Variants in BEND6 observed in about 807,000 individuals in gnomAD.
The protein encoded by BEND6 is BEN domain-containing protein 6.
In BEND6, 24 loss-of-function variants were observed where a neutral mutation model predicts 31.8. That is an observed-to-expected ratio of 0.75 (90% CI 0.55 to 1.06). The LOEUF (loss-of-function observed/expected upper bound fraction) is 1.06, where lower values mean the gene tolerates loss of function less well. BEND6 is among the 50% of genes least tolerant of loss of function. BEND6 has a pLI of 0.00. For synonymous variants in BEND6, 109 were observed against 114.6 expected, an observed-to-expected ratio of 0.95 and a Z score of 0.31; for missense variants, 294 against 327.4, an observed-to-expected ratio of 0.90 and a Z score of 0.79.
intron 6 of BEND6, among the ~76,000 whole-genome samples, chr6:57,025,523 C>T (rs1489822332): frequency 1.3e-5 from 2 of 152,166 alleles, no homozygotes; most frequent in East Asian, 3.8e-4. Flanking sequence ...AAGAGGATAT[C>T]CTGGTTATGT....
rs764221409 is a variant in BEND6 at position 56,981,854 on chromosome 6, C to A, written c.44C>A (p.Ala15Asp). The part of the protein sequence containing the change: ...VQTDEITNTQ[A>D]FRKGKRKRTE... ...ACAGATGAAATTACCAATACACAAG[C>A]TTTTAGAAAAGGAAAGAGGAAAAGA... Residue 15 changes from alanine to aspartate, a missense_variant, in exon 2 of 7, where the codon GCT becomes GAT. Ala to Asp is a moderately radical substitution (Grantham distance 126). Transcript: ENST00000370746. 6.2e-7 allele frequency: 1 copy of A among 1,612,552 alleles called. No homozygotes were observed. The highest frequency in any genetic ancestry group is 1.1e-5 in the South Asian group (1 of 90,976).
chr6:57,018,724 T>G (rs970337416), intron 6 of BEND6, among the ~76,000 whole-genome samples, 167 bp downstream of exon 6: 1 of 152,188 alleles, frequency 6.6e-6, no homozygotes, highest in Non-Finnish European at 1.5e-5. Context: ...GAGTGGGGTT[T>G]GAATTGGAAA....
At chr6:56,996,428 C>T (rs1826713337) in intron 3 of BEND6, among the ~76,000 whole-genome samples, 1 of 151,990 alleles carries the variant, frequency 6.6e-6, no homozygotes, top group South Asian at 2.1e-4. Flanking sequence ...GCCTGAGTGA[C>T]ATAGCGAGAC....
intron 1 of BEND6, among the ~76,000 whole-genome samples, chr6:56,969,885 C>T (rs1035119183): frequency 1.3e-5 from 2 of 151,772 alleles, no homozygotes; most frequent in Non-Finnish European, 2.9e-5. Flanking sequence ...GTCTTAATTC[C>T]GAGACACTGT....
At chr6:56,976,175 GAAGAT>G (rs1825866568) in intron 1 of BEND6, 1 of 178,730 alleles carries the variant, frequency 5.6e-6, no homozygotes, top group Non-Finnish European at 1.2e-5. Context: ...AACAAGAAAA[GAAGAT>G]AAAATTAGTG....
At chr6:56,956,398 A>G (rs1035565060) in intron 1 of BEND6, among the ~76,000 whole-genome samples, 4 of 152,370 alleles carry the variant, frequency 2.6e-5, no homozygotes, top group Middle Eastern at 3.4e-3. Context: ...GCTCTGCATG[A>G]AAGCTTAATC....
intron 1 of BEND6, among the ~76,000 whole-genome samples, chr6:56,973,849 G>C (rs1225263742): frequency 6.6e-6 from 1 of 152,160 alleles, no homozygotes; most frequent in African/African-American, 2.4e-5. Flanking sequence ...CAGCTTCCCA[G>C]CTCAGGTGAT....
At chr6:56,975,507 T>C (rs1825841545) in intron 1 of BEND6, 1 of 192,974 alleles carries the variant, frequency 5.2e-6, no homozygotes, top group African/African-American at 2.4e-5. Flanking sequence ...CTGCTCTTCA[T>C]TCTTTTCCAC....
chr6:56,983,084 T>G (rs1826127634), intron 2 of BEND6, among the ~76,000 whole-genome samples: 1 of 152,222 alleles, frequency 6.6e-6, no homozygotes. Flanking sequence ...CTGTACCACC[T>G]TATGTGTACA....
At chr6:57,015,711 A>C (rs919253008) in intron 4 of BEND6, among the ~76,000 whole-genome samples, 2 of 151,366 alleles carry the variant, frequency 1.3e-5, no homozygotes, top group Non-Finnish European at 2.9e-5. Flanking sequence ...AGGCTGAGGC[A>C]GGAGAATGGC....
At chr6:57,007,442 A>C (rs1178916440) in intron 3 of BEND6, among the ~76,000 whole-genome samples, 1 of 152,140 alleles carries the variant, frequency 6.6e-6, no homozygotes, top group Non-Finnish European at 1.5e-5. Context: ...AGAAGAAAAC[A>C]TAGGGGAAAC....
At chr6:56,968,970 G>T (rs183664531) in intron 1 of BEND6, among the ~76,000 whole-genome samples, 1 of 151,942 alleles carries the variant, frequency 6.6e-6, no homozygotes, top group Non-Finnish European at 1.5e-5. Flanking sequence ...AGCTACTCGG[G>T]AGGCTGAGGC....
intron 3 of BEND6, among the ~76,000 whole-genome samples, chr6:57,005,568 T>C (rs1452984432): frequency 6.6e-6 from 1 of 151,658 alleles, no homozygotes; most frequent in Non-Finnish European, 1.5e-5. Flanking sequence ...TAATCCCAGC[T>C]GCTTGGGAGG....
chr6:56,978,180 G>A (rs1825956018), intron 1 of BEND6, among the ~76,000 whole-genome samples: 1 of 151,764 alleles, frequency 6.6e-6, no homozygotes, highest in African/African-American at 2.4e-5. Flanking sequence ...CTACTCTGGA[G>A]ACTGAGGCAA....
intron 3 of BEND6, among the ~76,000 whole-genome samples, chr6:57,000,062 G>A (rs148096049): frequency 0.015 from 2,270 of 152,140 alleles, 57 homozygotes; most frequent in African/African-American, 0.051. Flanking sequence ...CGGCCGCCCC[G>A]TCTGGGAGGT....
At position 57,010,901 on chromosome 6, in the gene BEND6, G is replaced by A. The variant is rs532995163; in HGVS notation, c.299-4232G>A. On this transcript the variant is annotated intron_variant, in intron 3 of 6. Transcript: ENST00000370746. ...TAAAATTAAAAGATAAACACTTTGA[G>A]AAAAATATTTGCAACTCAAGAAAAA... The A allele has an allele frequency of 1.1e-3, 629 of 583,996 alleles. 1 individual carries two copies. The highest frequency in any genetic ancestry group is 2.6e-3 in the South Asian group (34 of 13,060). The allele number at this position is 583,996 out of a possible 1,614,324, so 36.2% of individuals were successfully genotyped here.
chr6:56,970,595 C>A (rs1191198183), intron 1 of BEND6, among the ~76,000 whole-genome samples: 1 of 152,086 alleles, frequency 6.6e-6, no homozygotes, highest in African/African-American at 2.4e-5. Flanking sequence ...AAATTGGGGG[C>A]AGATAGCCAC....
At chr6:57,000,602 T>A in intron 3 of BEND6, among the ~76,000 whole-genome samples, 5 of 121,310 alleles carry the variant, frequency 4.1e-5, no homozygotes, top group South Asian at 5.6e-4. Context: ...AAAAAAACCA[T>A]AAATAACAAG....
At chr6:56,968,104 T>C (rs1458770840) in intron 1 of BEND6, among the ~76,000 whole-genome samples, 1 of 152,176 alleles carries the variant, frequency 6.6e-6, no homozygotes, top group African/African-American at 2.4e-5. Flanking sequence ...ACTAAATTAA[T>C]TTCTTTTCTA....
Sources: allele counts gnomAD v4.1 joint callset (sites outside exome capture counted in the v4.1 genomes callset), GRCh38; gene constraint gnomAD v4.1.1; transcripts MANE v1.5; gene names NCBI Gene and HGNC (gene_info 2026-07-23, HGNC 2026-07-21).